The following UGT8 variants were observed in gnomAD, a reference collection of about 807,000 sequenced individuals.
The protein encoded by UGT8 is 2-hydroxyacylsphingosine 1-beta-galactosyltransferase.
UGT8 carries 12 observed loss-of-function variants against 40.5 expected under a neutral mutation model. The ratio of observed to expected loss-of-function variants is 0.30; its 90% CI spans 0.19 to 0.48. The LOEUF is 0.48. Ranked by LOEUF, UGT8 falls within the 20% of genes least tolerant of loss-of-function variation. The probability of loss-of-function intolerance (pLI) is 0.99; values close to 1 mark genes in which losing one functional copy is unlikely to be tolerated. For missense variants in UGT8, 513 were observed against 648.7 expected, an observed-to-expected ratio of 0.79 and a Z score of 2.27; for synonymous variants, 224 against 240.4, an observed-to-expected ratio of 0.93 and a Z score of 0.63.
intron 2 of UGT8, among the ~76,000 whole-genome samples, chr4:114,633,265 A>G (rs1732691078): frequency 6.6e-6 from 1 of 152,212 alleles, no homozygotes; most frequent in Admixed American, 6.5e-5. Flanking sequence ...GGGAAATAAT[A>G]AAGATGTAAA....
At chr4:114,670,139 T>C (rs1735144300) in intron 5 of UGT8, among the ~76,000 whole-genome samples, 1 of 152,156 alleles carries the variant, frequency 6.6e-6, no homozygotes. Flanking sequence ...CCAATATCGC[T>C]GATGAACATC....
intron 4 of UGT8, 100 bp downstream of exon 4, chr4:114,665,856 G>GT: frequency 1.2e-6 from 1 of 867,200 alleles, no homozygotes; most frequent in Non-Finnish European, 1.8e-6. Context: ...TACGGTATAC[G>GT]GTATGTATGT....
chr4:114,598,728 G>C (rs1307833393), upstream of UGT8: 2 of 152,032 alleles, frequency 1.3e-5, no homozygotes. Context: ...CTGGCCGCCC[G>C]CTGGGAGCTG....
intron 5 of UGT8, among the ~76,000 whole-genome samples, chr4:114,672,588 TCTCA>T (rs1315525310): frequency 1.3e-5 from 2 of 151,990 alleles, no homozygotes. Context: ...TACTGCGTGT[TCTCA>T]CTCATAAGTG....
chr4:114,648,166 C>T (rs1202467891), intron 2 of UGT8, among the ~76,000 whole-genome samples: 5 of 152,056 alleles, frequency 3.3e-5, no homozygotes. Flanking sequence ...GGATAGAATG[C>T]CATTCCAACA....
chr4:114,629,965 T>G (rs1302315077), intron 2 of UGT8, among the ~76,000 whole-genome samples: 1 of 152,208 alleles, frequency 6.6e-6, no homozygotes, highest in East Asian at 1.9e-4. Context: ...TAACTGATAA[T>G]TTTTAGAAAT....
In UGT8 at chr4:114,668,038, G is replaced by A. The variant is rs750606355; in HGVS notation, c.1043-47G>A. ...ATGAATTTCTGGGAAAATCTCTTCT[G>A]TAGAGTAATAATGTTGTAAGTTGTT... On this transcript the variant is annotated intron_variant, in intron 4 of 5. Coordinates refer to ENST00000310836, the MANE Select transcript of UGT8 (RefSeq NM_001128174.3). The A allele has an allele frequency of 1.3e-5, 20 of 1,594,632 alleles. No homozygotes were observed. In the South Asian group the frequency reaches 2.2e-4, roughly 17 times the overall value.
chr4:114,670,811 C>T (rs958742696), intron 5 of UGT8, among the ~76,000 whole-genome samples: 18 of 152,044 alleles, frequency 1.2e-4, no homozygotes, highest in Non-Finnish European at 1.9e-4. Flanking sequence ...CAAGTTCTGG[C>T]CAGGGCAGTC....
chr4:114,633,951 A>C (rs1732732882), intron 2 of UGT8, among the ~76,000 whole-genome samples: 1 of 152,114 alleles, frequency 6.6e-6, no homozygotes, highest in Non-Finnish European at 1.5e-5. Context: ...AAAAAAAAAA[A>C]AGGATCACTC....
intron 5 of UGT8, among the ~76,000 whole-genome samples, chr4:114,672,614 A>G (rs1042126669): frequency 3.9e-5 from 6 of 152,078 alleles, no homozygotes; most frequent in African/African-American, 7.2e-5. Flanking sequence ...GACTTGAACA[A>G]TGAGAACGTA....
intron 1 of UGT8, among the ~76,000 whole-genome samples, chr4:114,619,781 A>G (rs1355030018): frequency 6.6e-6 from 1 of 151,966 alleles, no homozygotes; most frequent in African/African-American, 2.4e-5. Flanking sequence ...ACTAAATGAA[A>G]TCAGGAGAAT....
chr4:114,625,423 A>G (rs963420613), intron 2 of UGT8, among the ~76,000 whole-genome samples: 2 of 147,464 alleles, frequency 1.4e-5, no homozygotes, highest in Non-Finnish European at 3.0e-5. Context: ...AGGTGGGAGG[A>G]TCACTTGAGT....
At chr4:114,632,839 G>A (rs1428162214) in intron 2 of UGT8, among the ~76,000 whole-genome samples, 2 of 152,144 alleles carry the variant, frequency 1.3e-5, no homozygotes, top group African/African-American at 4.8e-5. Context: ...ATCCGAAGTT[G>A]CAAAAGTCAA....
chr4:114,600,193 A>G (rs2126080730), intron 1 of UGT8, among the ~76,000 whole-genome samples: 1 of 152,134 alleles, frequency 6.6e-6, no homozygotes, highest in Middle Eastern at 3.4e-3. Context: ...CACCTTTATT[A>G]TGAGCCAGTG....
rs1354239351 is a variant in UGT8 at position 114,663,979 on chromosome 4, A to G, written c.823-16A>G. On this transcript the variant is annotated splice_polypyrimidine_tract_variant and intron_variant, in intron 2 of 5. Transcript: ENST00000310836. Reference sequence around the variant, plus strand: ...ATTGGTCTTCGTAAAACTTACTGCCATGTTTTGATTTACAGGATCTCCAAA... The same window carrying G: ...ATTGGTCTTCGTAAAACTTACTGCCGTGTTTTGATTTACAGGATCTCCAAA... 5.0e-6 allele frequency: 8 copies of G among 1,613,370 alleles called. No individual in the cohort carries two copies. The highest frequency in any genetic ancestry group is 3.3e-5 in the Admixed American group (2 of 60,002).
chr4:114,674,009 A>G (rs988193943), intron 5 of UGT8, among the ~76,000 whole-genome samples: 3 of 152,178 alleles, frequency 2.0e-5, no homozygotes, highest in Non-Finnish European at 4.4e-5. Flanking sequence ...AATAGCCTTC[A>G]TTTGTTTTTT....
chr4:114,640,024 T>C (rs551539464), intron 2 of UGT8, among the ~76,000 whole-genome samples: 1 of 96,482 alleles, frequency 1.0e-5, no homozygotes, highest in Non-Finnish European at 2.4e-5. Flanking sequence ...TGTAAAAATA[T>C]GTTTGTTTGT....
intron 1 of UGT8, among the ~76,000 whole-genome samples, chr4:114,601,601 G>A (rs1459035280): frequency 6.6e-6 from 1 of 151,770 alleles, no homozygotes; most frequent in Non-Finnish European, 1.5e-5. Flanking sequence ...AAAAAAAAGA[G>A]CCATTATAAC....
At chr4:114,660,295 T>G (rs1046546909) in intron 2 of UGT8, among the ~76,000 whole-genome samples, 3 of 152,088 alleles carry the variant, frequency 2.0e-5, no homozygotes, top group African/African-American at 7.3e-5. Flanking sequence ...AATTAAATAT[T>G]AATGAAATAT....
Sources: allele counts gnomAD v4.1 joint callset (sites outside exome capture counted in the v4.1 genomes callset), GRCh38; gene constraint gnomAD v4.1.1; transcripts MANE v1.5; gene names NCBI Gene and HGNC (gene_info 2026-07-23, HGNC 2026-07-21).